The following FBXL7 variants were observed in gnomAD, a reference collection of about 807,000 sequenced individuals.
FBXL7 encodes the protein F-box and leucine rich repeat protein 7.
In FBXL7, 12 loss-of-function variants were observed where a neutral mutation model predicts 38.3. That is an observed-to-expected ratio of 0.31 (90% confidence interval 0.20 to 0.51). The LOEUF is 0.51. Ranked by LOEUF, FBXL7 falls within the 20% of genes least tolerant of loss-of-function variation. FBXL7 has a pLI of 0.98. For synonymous variants in FBXL7, 297 were observed against 300.9 expected (o/e 0.99, Z 0.13); for missense variants, 567 against 676.4 (o/e 0.84, Z 1.79).
chr5:15,896,567 C>T (rs1363483806), intron 2 of FBXL7, among the ~76,000 whole-genome samples: 2 of 152,116 alleles, frequency 1.3e-5, no homozygotes, highest in African/African-American at 4.8e-5. Flanking sequence ...AGCTGGAAAG[C>T]CCAGATCACA....
rs573953970 is a variant in FBXL7 at position 15,918,411 on chromosome 5, A to G, written c.128-9479A>G. 3.3e-5 allele frequency among the ~76,000 whole-genome samples: 5 copies of G among 152,322 alleles called. No individual in the cohort carries two copies. In the South Asian group the frequency reaches 1.0e-3, roughly 32 times the overall value. On this transcript the variant is annotated intron_variant, in intron 2 of 3. Transcript: ENST00000504595. Reference sequence around the variant, plus strand: ...AGAAATTTCTTAGAAGATACTTTCTAGATACTCACACTGGAGGCAAAAACC... The same window carrying G: ...AGAAATTTCTTAGAAGATACTTTCTGGATACTCACACTGGAGGCAAAAACC...
chr5:15,887,744 T>C (rs1396080750), intron 2 of FBXL7, among the ~76,000 whole-genome samples: 1 of 152,230 alleles, frequency 6.6e-6, no homozygotes, highest in Non-Finnish European at 1.5e-5. Context: ...ACAGCCCTTT[T>C]ATGGAAACTA....
intron 3 of FBXL7, among the ~76,000 whole-genome samples, chr5:15,930,072 G>C (rs769801777): frequency 6.6e-6 from 1 of 152,140 alleles, no homozygotes; most frequent in African/African-American, 2.4e-5. Context: ...ATTCTTTCCC[G>C]TGCTGGAGAG....
chr5:15,625,543 A>C (rs1434988004), intron 2 of FBXL7, among the ~76,000 whole-genome samples: 1 of 152,194 alleles, frequency 6.6e-6, no homozygotes, highest in African/African-American at 2.4e-5. Context: ...AATTTCAGCT[A>C]TTCAGATGGC....
chr5:15,728,743 C>T (rs1304763384), intron 2 of FBXL7, among the ~76,000 whole-genome samples: 1 of 152,138 alleles, frequency 6.6e-6, no homozygotes, highest in African/African-American at 2.4e-5. Flanking sequence ...CTTGTACAGA[C>T]ATCTCATGTC....
intron 2 of FBXL7, among the ~76,000 whole-genome samples, chr5:15,794,047 C>T (rs1384671913): frequency 6.6e-6 from 1 of 152,202 alleles, no homozygotes; most frequent in East Asian, 1.9e-4. Flanking sequence ...CTGTTCTCAT[C>T]CAGATAAATC....
At chr5:15,887,511 A>G (rs1285978075) in intron 2 of FBXL7, among the ~76,000 whole-genome samples, 2 of 152,240 alleles carry the variant, frequency 1.3e-5, no homozygotes, top group Non-Finnish European at 1.5e-5. Context: ...AAGCACCATA[A>G]CATCAACCAT....
At chr5:15,619,016 T>G (rs1468439828) in intron 2 of FBXL7, among the ~76,000 whole-genome samples, 1 of 152,176 alleles carries the variant, frequency 6.6e-6, no homozygotes, top group East Asian at 1.9e-4. Context: ...TGCCCCCATT[T>G]AACGGTGATC....
intron 2 of FBXL7, among the ~76,000 whole-genome samples, chr5:15,634,313 C>CTTTTTT (rs57823645): frequency 0.011 from 1,287 of 112,172 alleles, 36 homozygotes; most frequent in Non-Finnish European, 0.014. Context: ...ATGTTCGTTT[C>CTTTTTT]TTTTTTTTTT....
chr5:15,696,517 C>T (rs1743343653), intron 2 of FBXL7, among the ~76,000 whole-genome samples: 2 of 152,236 alleles, frequency 1.3e-5, no homozygotes, highest in South Asian at 4.1e-4. Context: ...AGACTTTATC[C>T]TATGTGTGCC....
At chr5:15,781,833 T>A (rs533724818) in intron 2 of FBXL7, among the ~76,000 whole-genome samples, 1 of 152,238 alleles carries the variant, frequency 6.6e-6, no homozygotes, top group Admixed American at 6.5e-5. Context: ...CTTTTCAACT[T>A]TTTTAAAAAA....
At chr5:15,567,043 T>C (rs1224820548) in intron 1 of FBXL7, among the ~76,000 whole-genome samples, 2 of 152,138 alleles carry the variant, frequency 1.3e-5, no homozygotes, top group Non-Finnish European at 1.5e-5. Context: ...TCATATGATC[T>C]TACCACACTC....
chr5:15,847,226 G>A (rs902962994), intron 2 of FBXL7, among the ~76,000 whole-genome samples: 3 of 152,168 alleles, frequency 2.0e-5, no homozygotes, highest in African/African-American at 7.2e-5. Flanking sequence ...TTGACTCACA[G>A]TTCAACATGG....
intron 2 of FBXL7, among the ~76,000 whole-genome samples, chr5:15,919,169 G>T (rs1224895846): frequency 1.3e-5 from 2 of 152,110 alleles, no homozygotes; most frequent in Non-Finnish European, 2.9e-5. Context: ...AAAAGTTTTG[G>T]TAATCAGAGG....
intron 2 of FBXL7, among the ~76,000 whole-genome samples, chr5:15,755,442 TTCTC>T (rs1736271399): frequency 6.6e-6 from 1 of 152,130 alleles, no homozygotes; most frequent in African/African-American, 2.4e-5. Flanking sequence ...CTCTCTCTCT[TTCTC>T]TCTGTGTCTC....
chr5:15,563,856 G>A (rs1368745332), intron 1 of FBXL7, among the ~76,000 whole-genome samples: 1 of 152,038 alleles, frequency 6.6e-6, no homozygotes, highest in Non-Finnish European at 1.5e-5. Flanking sequence ...CTGAAATACT[G>A]TTGAAATATG....
chr5:15,937,038 G>C lies in FBXL7; in HGVS notation c.1328G>C (p.Gly443Ala). The C allele has an allele frequency of 6.2e-7, 1 of 1,613,982 alleles. No individual in the cohort carries two copies. The highest frequency in any genetic ancestry group is 8.5e-7 in the Non-Finnish European group (1 of 1,179,898). Residue 443 changes from glycine to alanine, a missense_variant, in exon 4 of 4, where the codon GGC becomes GCC. Gly to Ala is a moderately conservative substitution (Grantham distance 60). Transcript: ENST00000504595. ...CTCAAGTCCTGCGAGAGCATCACCG[G>C]CCAGGGCTTGCAGATCGTGGCCGCC... Reference protein sequence around the residue: ...LSLKSCESITGQGLQIVAANC... With the variant: ...LSLKSCESITAQGLQIVAANC...
At chr5:15,886,164 GT>G (rs530476920) in intron 2 of FBXL7, among the ~76,000 whole-genome samples, 76 of 152,304 alleles carry the variant, frequency 5.0e-4, no homozygotes, top group Non-Finnish European at 8.8e-4. Flanking sequence ...GATATGGTGT[GT>G]TCCTGTTTCT....
intron 1 of FBXL7, among the ~76,000 whole-genome samples, chr5:15,540,579 G>A (rs569388742): frequency 1.3e-5 from 2 of 152,212 alleles, no homozygotes; most frequent in African/African-American, 4.8e-5. Context: ...ATGTTCACCT[G>A]GTATCTTGTC....
Sources: gnomAD v4.1 joint callset for allele counts (sites outside exome capture counted in the v4.1 genomes callset) on GRCh38, gnomAD v4.1.1 for gene constraint, MANE v1.5 for transcripts, NCBI Gene and HGNC (gene_info 2026-07-23, HGNC 2026-07-21) for gene names.